Variants in CLEC16A observed in about 807,000 individuals in gnomAD.
CLEC16A encodes the protein protein CLEC16A.
Under a neutral mutation model 109.5 loss-of-function variants are expected in CLEC16A, and 51 were observed. The observed-to-expected ratio is 0.47, with a 90% CI of 0.37 to 0.59. The LOEUF is 0.59. CLEC16A is among the 20% of genes least tolerant of loss of function. The probability of loss-of-function intolerance (pLI) is 0.00; values close to 1 mark genes in which losing one functional copy is unlikely to be tolerated. For synonymous variants in CLEC16A, 673 were observed against 564.2 expected, an observed-to-expected ratio of 1.19 and a Z score of -2.73; for missense variants, 1,339 against 1,394.0, an observed-to-expected ratio of 0.96 and a Z score of 0.63.
At chr16:11,140,585 T>A (rs1156878578) in intron 22 of CLEC16A, among the ~76,000 whole-genome samples, 2 of 152,142 alleles carry the variant, frequency 1.3e-5, no homozygotes, top group Non-Finnish European at 2.9e-5. Context: ...AAATGCAGAA[T>A]CTGGCCTGTC....
chr16:11,079,826 C>T (rs750946625), intron 19 of CLEC16A, among the ~76,000 whole-genome samples: 1 of 152,216 alleles, frequency 6.6e-6, no homozygotes, highest in Non-Finnish European at 1.5e-5. Flanking sequence ...ACATCTACAG[C>T]TTTCACTGTT....
At chr16:11,027,424 T>A in intron 13 of CLEC16A, 1 of 1,492,654 alleles carries the variant, frequency 6.7e-7, no homozygotes, top group Admixed American at 1.7e-5. Context: ...CTGCGTATAG[T>A]GGAAACTTAT....
At chr16:10,986,070 G>A (rs1404443057) in intron 10 of CLEC16A, among the ~76,000 whole-genome samples, 7 of 124,142 alleles carry the variant, frequency 5.6e-5, no homozygotes, top group African/African-American at 1.0e-4. Flanking sequence ...TCGCTCTGTC[G>A]CCCAGGCTGG....
intron 12 of CLEC16A, among the ~76,000 whole-genome samples, chr16:11,023,033 GA>G (rs1195709316): frequency 2.7e-5 from 4 of 149,018 alleles, no homozygotes; most frequent in East Asian, 1.9e-4. Context: ...CATAAAGGGG[GA>G]AAAAGTCTTC....
chr16:11,051,359 C>G (rs1439690088), intron 17 of CLEC16A, among the ~76,000 whole-genome samples, 154 bp from the exon 18 acceptor site: 1 of 152,238 alleles, frequency 6.6e-6, no homozygotes. Flanking sequence ...CTGGCTGCCT[C>G]TGTGCTTTAC....
chr16:10,979,314 G>C lies in CLEC16A; in HGVS notation c.904-15G>C. ...GACCTGATCTCTCTCTCTCTCTCCTGCCACCCTGCACTAGGGAGGAGAACG... is the reference window on the plus strand; with the variant it reads ...GACCTGATCTCTCTCTCTCTCTCCTCCCACCCTGCACTAGGGAGGAGAACG... On this transcript the variant is annotated splice_polypyrimidine_tract_variant and intron_variant, in intron 8 of 23. Coordinates refer to ENST00000409790, the MANE Select transcript of CLEC16A (RefSeq NM_015226.3). 5.6e-6 allele frequency: 9 copies of C among 1,608,286 alleles called. No homozygotes were observed. The highest frequency in any genetic ancestry group is 7.6e-6 in the Non-Finnish European group (9 of 1,177,022).
At chr16:10,991,697 A>G (rs571521618) in intron 10 of CLEC16A, among the ~76,000 whole-genome samples, 5 of 152,336 alleles carry the variant, frequency 3.3e-5, no homozygotes, top group African/African-American at 1.2e-4. Flanking sequence ...TGATGTGACA[A>G]GTCTCGGTAC....
chr16:11,064,349 C>A (rs2048651522), intron 19 of CLEC16A, among the ~76,000 whole-genome samples: 1 of 152,272 alleles, frequency 6.6e-6, no homozygotes, highest in Non-Finnish European at 1.5e-5. Flanking sequence ...TAGACAGGGC[C>A]TGTGCTCACC....
chr16:11,016,231 A>G (rs868118687), intron 11 of CLEC16A, among the ~76,000 whole-genome samples: 14 of 152,148 alleles, frequency 9.2e-5, no homozygotes, highest in South Asian at 2.1e-4. Context: ...TGGCCAAGGT[A>G]GTTGGAGGAC....
At chr16:11,051,119 A>C (rs1431152719) in intron 17 of CLEC16A, among the ~76,000 whole-genome samples, 1 of 152,136 alleles carries the variant, frequency 6.6e-6, no homozygotes, top group African/African-American at 2.4e-5. Flanking sequence ...TGTTATCATC[A>C]CTGGAAGGAC....
chr16:11,005,038 G>C (rs1398691162), intron 11 of CLEC16A, among the ~76,000 whole-genome samples: 1 of 152,186 alleles, frequency 6.6e-6, no homozygotes, highest in Non-Finnish European at 1.5e-5. Context: ...GGGAGAAATG[G>C]ACATCTTCAC....
chr16:11,019,214 G>T (rs2045946453), intron 11 of CLEC16A, among the ~76,000 whole-genome samples: 1 of 152,102 alleles, frequency 6.6e-6, no homozygotes, highest in Non-Finnish European at 1.5e-5. Context: ...GAAAGTCCAC[G>T]CCCGCACAGC....
At chr16:11,056,407 A>G (rs1006852630) in intron 18 of CLEC16A, 14 of 152,238 alleles carry the variant, frequency 9.2e-5, no homozygotes, top group African/African-American at 3.4e-4. Context: ...GCAGTCTAGT[A>G]TGTAAGGTGG....
At chr16:11,022,763 G>T (rs2046186402) in intron 12 of CLEC16A, among the ~76,000 whole-genome samples, 1 of 151,880 alleles carries the variant, frequency 6.6e-6, no homozygotes, top group African/African-American at 2.4e-5. Flanking sequence ...GCTGGGCGTG[G>T]TGGCGAGCGC....
intron 2 of CLEC16A, among the ~76,000 whole-genome samples, chr16:10,959,850 C>T (rs1194598165): frequency 4.0e-5 from 6 of 151,386 alleles, no homozygotes; most frequent in East Asian, 1.9e-4. Context: ...TGAGCTCAAA[C>T]GATTCTTCCT....
chr16:11,117,279 A>G (rs534164385), intron 19 of CLEC16A, among the ~76,000 whole-genome samples: 5 of 152,354 alleles, frequency 3.3e-5, no homozygotes, highest in Non-Finnish European at 5.9e-5. Context: ...GGTAAACTGT[A>G]TACTTAAAAT....
chr16:11,011,113 C>T (rs1253778980), intron 11 of CLEC16A, among the ~76,000 whole-genome samples: 1 of 152,148 alleles, frequency 6.6e-6, no homozygotes, highest in Non-Finnish European at 1.5e-5. Flanking sequence ...CTTTTCTTCC[C>T]AACTAATAAG....
At chr16:11,014,409 T>C (rs2045616724) in intron 11 of CLEC16A, among the ~76,000 whole-genome samples, 1 of 152,230 alleles carries the variant, frequency 6.6e-6, no homozygotes, top group Non-Finnish European at 1.5e-5. Flanking sequence ...GTAAATATCC[T>C]TGTGCATGTG....
At chr16:11,097,541 A>C (rs769882987) in intron 19 of CLEC16A, among the ~76,000 whole-genome samples, 1 of 152,200 alleles carries the variant, frequency 6.6e-6, no homozygotes, top group Non-Finnish European at 1.5e-5. Flanking sequence ...CATTAATGGC[A>C]AGGAGCACCG....
Sources: gnomAD v4.1 joint callset for allele counts (sites outside exome capture counted in the v4.1 genomes callset) on GRCh38, gnomAD v4.1.1 for gene constraint, MANE v1.5 for transcripts, NCBI Gene and HGNC (gene_info 2026-07-23, HGNC 2026-07-21) for gene names.